JAK1: variants seen among roughly 807,000 people sequenced by gnomAD.
The protein encoded by JAK1 is Janus kinase 1, also known as tyrosine-protein kinase JAK1.
JAK1 carries 16 observed loss-of-function variants against 136.6 expected under a neutral mutation model. The ratio of observed to expected loss-of-function variants is 0.12; its 90% CI spans 0.08 to 0.18. JAK1 has a LOEUF of 0.18. JAK1 is among the 10% of genes least tolerant of loss of function. The pLI is 1.00. For synonymous variants in JAK1, 492 were observed against 519.5 expected (o/e 0.95, Z 0.72); for missense variants, 859 against 1,450.1 (o/e 0.59, Z 6.62).
chr1:64,871,598 G>A (rs909857636), intron 5 of JAK1, among the ~76,000 whole-genome samples: 2 of 152,138 alleles, frequency 1.3e-5, no homozygotes, highest in African/African-American at 4.8e-5. Context: ...TTCCCTGTGT[G>A]GGGAATGACT....
chr1:64,904,408 G>T lies in JAK1; in HGVS notation c.-77-18067C>A, dbSNP rs574737463. On this transcript the variant is annotated intron_variant, in intron 1 of 24. Coordinates refer to ENST00000342505, the MANE Select transcript of JAK1 (RefSeq NM_002227.4). ...CTAAAAAGAGAGAGAAGGAAAATGA[G>T]GGTCCATAGTGAAAAAATTGGAGAA... 2.0e-5 allele frequency among the ~76,000 whole-genome samples: 3 copies of T among 152,290 alleles called. No homozygotes were observed. In the South Asian group the frequency reaches 6.2e-4, roughly 32 times the overall value.
chr1:64,840,626 T>G (rs1400178486), intron 19 of JAK1, among the ~76,000 whole-genome samples: 2 of 152,124 alleles, frequency 1.3e-5, no homozygotes, highest in Admixed American at 1.3e-4. Flanking sequence ...GCCAGGAGTC[T>G]GAGAGCAGCC....
intron 22 of JAK1, among the ~76,000 whole-genome samples, chr1:64,836,842 A>G (rs1385384801): frequency 6.6e-6 from 1 of 151,886 alleles, no homozygotes; most frequent in Non-Finnish European, 1.5e-5. Context: ...CCTGGCTCCA[A>G]TCTTGTTCCC....
chr1:64,894,206 T>C (rs1034160048), intron 1 of JAK1, among the ~76,000 whole-genome samples: 1 of 152,156 alleles, frequency 6.6e-6, no homozygotes, highest in Non-Finnish European at 1.5e-5. Context: ...CCATGAATGA[T>C]CTCAAGCCAC....
chr1:64,961,324 G>A (rs943824454), intron 1 of JAK1, among the ~76,000 whole-genome samples: 3 of 152,288 alleles, frequency 2.0e-5, no homozygotes, highest in East Asian at 1.9e-4. Flanking sequence ...AATAAAAGGC[G>A]TTTTCTGGGA....
chr1:64,850,757 G>T, intron 12 of JAK1, 47 bp downstream of exon 12: 1 of 1,269,956 alleles, frequency 7.9e-7, no homozygotes. Context: ...GCTCCATCGT[G>T]GGGAGGCAGG....
Position 65,003,708 on chromosome 1 carries a change from T to C in JAK1, c.-78+40772A>G, listed in dbSNP as rs193038832. On this transcript the variant is annotated intron_variant, in intron 2 of 25. Coordinates refer to the JAK1 transcript ENST00000671954. Reference sequence around the variant, plus strand: ...TCGTTTTGACTCCAAATTCTTGTTATGAGATGGGTGCGTTTTCCCCTCTTT... The same window carrying C: ...TCGTTTTGACTCCAAATTCTTGTTACGAGATGGGTGCGTTTTCCCCTCTTT... 49 of 151,072 alleles carry C rather than the reference T, an allele frequency of 3.2e-4. No individual in the cohort carries two copies. The East Asian group carries it at 9.6e-3, about 30-fold the overall frequency. The allele number at this position is 151,072 out of a possible 1,614,324, so 9.4% of individuals were successfully genotyped here.
intron 1 of JAK1, among the ~76,000 whole-genome samples, chr1:64,953,093 C>A (rs1245781297): frequency 1.3e-5 from 2 of 152,142 alleles, no homozygotes; most frequent in Non-Finnish European, 2.9e-5. Flanking sequence ...AGGAGGTTTC[C>A]TAAATCAGAG....
chr1:64,939,461 C>T (rs1224734284), intron 1 of JAK1, among the ~76,000 whole-genome samples: 1 of 152,130 alleles, frequency 6.6e-6, no homozygotes, highest in Admixed American at 6.5e-5. Flanking sequence ...TTGCAGTAAG[C>T]GGAAAGCATG....
In JAK1 at chr1:65,058,826, A is replaced by G. The variant is rs1647663353; in HGVS notation, c.-181+8778T>C. On this transcript the variant is annotated intron_variant, in intron 1 of 25. Transcript: ENST00000671954. ...GCATATTTCACAGCTTATCTCTTCCATGCATGGATTCACTGACTGTGCCTC... is the reference window on the plus strand; with the variant it reads ...GCATATTTCACAGCTTATCTCTTCCGTGCATGGATTCACTGACTGTGCCTC... 6.6e-5 allele frequency among the ~76,000 whole-genome samples: 10 copies of G among 152,320 alleles called. No homozygotes were observed. In the South Asian group the frequency reaches 1.9e-3, roughly 28 times the overall value.
chr1:64,868,588 G>C (rs1029277370), intron 6 of JAK1, among the ~76,000 whole-genome samples: 1 of 152,166 alleles, frequency 6.6e-6, no homozygotes, highest in African/African-American at 2.4e-5. Context: ...AGCAAGCTGT[G>C]ATCTGCTCTA....
At chr1:65,012,720 G>A (rs1020638758) in intron 2 of JAK1, among the ~76,000 whole-genome samples, 3 of 151,090 alleles carry the variant, frequency 2.0e-5, no homozygotes, top group African/African-American at 7.3e-5. Flanking sequence ...TGAACCCAGG[G>A]GTTCAAGGCT....
intron 1 of JAK1, among the ~76,000 whole-genome samples, chr1:64,949,985 A>T (rs1313727729): frequency 6.6e-6 from 1 of 152,368 alleles, no homozygotes; most frequent in South Asian, 2.1e-4. Context: ...AAAATAGAAT[A>T]AAAAAGTTTA....
chr1:65,032,180 G>T (rs541353878), intron 2 of JAK1, among the ~76,000 whole-genome samples: 2 of 151,762 alleles, frequency 1.3e-5, no homozygotes, highest in South Asian at 2.1e-4. Flanking sequence ...TGGCCAGGCT[G>T]GTCTCAAACT....
chr1:65,034,075 T>C (rs1647048905), intron 2 of JAK1, among the ~76,000 whole-genome samples: 1 of 152,176 alleles, frequency 6.6e-6, no homozygotes, highest in African/African-American at 2.4e-5. Flanking sequence ...ATAAGTAGGA[T>C]TTTACTATTC....
chr1:64,899,656 C>T (rs1214144408), intron 1 of JAK1, among the ~76,000 whole-genome samples: 1 of 152,154 alleles, frequency 6.6e-6, no homozygotes, highest in East Asian at 1.9e-4. Flanking sequence ...ATTTGGGATG[C>T]TCAATGGGTA....
At chr1:64,951,047 A>G (rs530816766) in intron 1 of JAK1, among the ~76,000 whole-genome samples, 6 of 152,216 alleles carry the variant, frequency 3.9e-5, no homozygotes, top group Non-Finnish European at 7.3e-5. Flanking sequence ...TTTACTAGAC[A>G]ATGGCTATAA....
chr1:64,990,939 A>AG (rs1361354266), intron 2 of JAK1: 3 of 143,114 alleles, frequency 2.1e-5, no homozygotes, highest in Non-Finnish European at 4.5e-5. Context: ...AAAAAAAAAA[A>AG]GAAAAGAAGA....
intron 2 of JAK1, among the ~76,000 whole-genome samples, chr1:65,038,886 C>T (rs942320052): frequency 2.6e-5 from 4 of 152,072 alleles, no homozygotes; most frequent in Non-Finnish European, 5.9e-5. Flanking sequence ...GATCTGCCCA[C>T]CTTGGCCTCC....
Sources: gnomAD v4.1 joint callset for allele counts (sites outside exome capture counted in the v4.1 genomes callset) on GRCh38, gnomAD v4.1.1 for gene constraint, MANE v1.5 for transcripts, NCBI Gene and HGNC (gene_info 2026-07-23, HGNC 2026-07-21) for gene names.